The following ADD1 variants were observed in gnomAD, a reference collection of about 807,000 sequenced individuals.
ADD1 encodes alpha-adducin.
In ADD1, 24 loss-of-function variants were observed where a neutral mutation model predicts 80.5. The observed-to-expected ratio is 0.30, with a 90% CI of 0.22 to 0.42. The LOEUF is 0.42. Among genes scored for constraint, ADD1 ranks in the 10% least tolerant of loss-of-function variants. The pLI is 1.00. For synonymous variants in ADD1, 373 were observed against 393.8 expected (o/e 0.95, Z 0.63); for missense variants, 948 against 1,019.0 (o/e 0.93, Z 0.95).
chr4:2,904,915 A>C lies in ADD1; in HGVS notation c.1313A>C (p.Gln438Pro), dbSNP rs537655601. 3.1e-6 allele frequency: 5 copies of C among 1,614,102 alleles called. No homozygotes were observed. The Admixed American group carries it at 8.3e-5, about 27-fold the overall frequency. Reference sequence around the variant, plus strand: ...TGCTCCCCACTCAGACACAGTTTTCAGAAGCAGCAGCGGGAGAAGACAAGA... The same window carrying C: ...TGCTCCCCACTCAGACACAGTTTTCCGAAGCAGCAGCGGGAGAAGACAAGA... ...GTCSPLRHSFQKQQREKTRWL... is the reference protein window; with the variant it reads ...GTCSPLRHSFPKQQREKTRWL... Residue 438 changes from glutamine to proline, a missense_variant, in exon 10 of 16, where the codon CAG (glutamine) becomes CCG (proline). Physicochemically the swap from Gln to Pro is moderately conservative, Grantham distance 76. Coordinates refer to ENST00000683351, the MANE Select transcript of ADD1 (RefSeq NM_001354761.2).
chr4:2,878,848 CT>C (rs1335841261), intron 2 of ADD1, among the ~76,000 whole-genome samples: 2 of 152,204 alleles, frequency 1.3e-5, no homozygotes, highest in Non-Finnish European at 2.9e-5. Flanking sequence ...TACAATGGAT[CT>C]AAGCCAGTGA....
intron 14 of ADD1, among the ~76,000 whole-genome samples, chr4:2,924,714 C>G (rs1256555604): frequency 6.6e-6 from 1 of 152,196 alleles, no homozygotes; most frequent in Non-Finnish European, 1.5e-5. Context: ...CCGCTATTTA[C>G]TATTCAGGCC....
chr4:2,925,905 G>T lies in ADD1; in HGVS notation c.1949-109G>T. The T allele has an allele frequency of 4.9e-6, 4 of 819,354 alleles. 1 individual carries two copies. The South Asian group carries it at 5.0e-5, about 10-fold the overall frequency. 50.8% of individuals were successfully genotyped at this position (819,354 alleles called of 1,614,324 possible). On this transcript the variant is annotated intron_variant, in intron 14 of 15. Coordinates refer to ENST00000683351, the MANE Select transcript of ADD1 (RefSeq NM_001354761.2). ...TCAGGGAAAGGGTTGAGAGAGCCCT[G>T]CCTTCTCAGAGGGCGGCCGAGCGGG...
rs1205758138 is a variant in ADD1, at chr4:2,926,598, T to A, written c.2047+486T>A. ...GATGGCTGTGACTGAATGCATAGAT[T>A]CTCTCCTTGTGCTTTTTTCTCCCTG... On this transcript the variant is annotated intron_variant, in intron 15 of 15. Coordinates refer to ENST00000683351, the MANE Select transcript of ADD1 (RefSeq NM_001354761.2). The surrounding 1 kb of genome is among the most constrained non-coding windows in gnomAD (Gnocchi z 5.0). 1 of 1,610,076 alleles carries A rather than the reference T, an allele frequency of 6.2e-7. No homozygotes were observed. Among genetic ancestry groups the A allele is most frequent in the South Asian group, 1.1e-5 (1 of 90,466 alleles).
intron 14 of ADD1, among the ~76,000 whole-genome samples, chr4:2,925,423 T>A (rs908903152): frequency 3.3e-5 from 5 of 152,230 alleles, no homozygotes; most frequent in African/African-American, 1.2e-4. Context: ...TGGTCCATAT[T>A]TTCCCCGAAA....
chr4:2,916,438 C>T (rs1739087539), intron 14 of ADD1, among the ~76,000 whole-genome samples: 1 of 152,102 alleles, frequency 6.6e-6, no homozygotes. Flanking sequence ...TCGTGATCCG[C>T]CCGCCTTGGC....
At position 2,904,776 on chromosome 4, in the gene ADD1, G is replaced by GGCTAC; in HGVS notation, c.1175_1179dup (p.Pro394AlafsTer9). 1 of 1,613,894 alleles carries GGCTAC rather than the reference G, an allele frequency of 6.2e-7. No homozygotes were observed. Among genetic ancestry groups the GGCTAC allele is most frequent in the Non-Finnish European group, 8.5e-7 (1 of 1,179,788 alleles). ...CCTTGGACCCTAGGGCTACAGAACT[G>GGCTAC]GCTACCCTTATCGATACCCTGCTCT... is the stretch of plus-strand genomic sequence containing the variant. On this transcript the variant is annotated frameshift_variant, in exon 10 of 16. Coordinates refer to ENST00000683351, the MANE Select transcript of ADD1 (RefSeq NM_001354761.2). LOFTEE classifies it high-confidence loss of function.
chr4:2,852,964 C>T (rs1044411859), intron 1 of ADD1, among the ~76,000 whole-genome samples: 1 of 152,134 alleles, frequency 6.6e-6, no homozygotes, highest in Non-Finnish European at 1.5e-5. Context: ...ACATTTGTAG[C>T]TGTGGAAATA....
At chr4:2,909,137 C>T in intron 12 of ADD1, 1 of 589,000 alleles carries the variant, frequency 1.7e-6, no homozygotes, top group Non-Finnish European at 3.0e-6. Context: ...CCTGACTCTG[C>T]AGGGGTAGAC....
At chr4:2,871,493 C>T (rs1266161471) in intron 1 of ADD1, among the ~76,000 whole-genome samples, 5 of 152,162 alleles carry the variant, frequency 3.3e-5, no homozygotes, top group African/African-American at 1.2e-4. Flanking sequence ...AGCTGTTCAT[C>T]CTGATCTTAG....
Position 2,926,382 on chromosome 4 carries a change from C to A in ADD1, c.2047+270C>A. 1.4e-6 allele frequency: 1 copy of A among 702,146 alleles called. No homozygotes were observed. 43.5% of individuals were successfully genotyped at this position (702,146 alleles called of 1,614,324 possible). A position where few individuals can be genotyped will look rare whatever the true frequency, so the allele number is the denominator to read the frequency against. ...GCTGGTGTCCACGTTGCCCATTGCT[C>A]GCACACTCCTCGTGCCGTGTTGTCA... On this transcript the variant is annotated intron_variant, in intron 15 of 15. Coordinates refer to ENST00000683351, the MANE Select transcript of ADD1 (RefSeq NM_001354761.2). This position sits in a 1 kb window ranked among gnomAD's most constrained non-coding sequence, Gnocchi z 5.0.
Position 2,904,768 on chromosome 4 carries a change from A to G in ADD1, c.1166A>G (p.Tyr389Cys), listed in dbSNP as rs1464494094. The G allele has an allele frequency of 1.2e-6, 2 of 1,612,564 alleles. No individual in the cohort carries two copies. The highest frequency in any genetic ancestry group is 1.7e-6 in the Non-Finnish European group (2 of 1,178,678). ...TTCACTCTCCTTGGACCCTAGGGCT[A>G]CAGAACTGGCTACCCTTATCGATAC... is the stretch of plus-strand genomic sequence containing the variant. ...ALMRMLDNLG[Y>C]RTGYPYRYPA... is the part of the protein sequence containing the mutation. Residue 389 changes from tyrosine (Y) to cysteine (C), a missense_variant, in exon 10 of 16, where the codon TAC (tyrosine) becomes TGC (cysteine). Physicochemically the swap from Tyr to Cys is radical, Grantham distance 194. Transcript: ENST00000683351.
Position 2,904,909 on chromosome 4 carries a change from G to A in ADD1, c.1307G>A (p.Ser436Asn), listed in dbSNP as rs140440262. 6.2e-7 allele frequency: 1 copy of A among 1,614,116 alleles called. No individual in the cohort carries two copies. The highest frequency in any genetic ancestry group is 2.2e-5 in the East Asian group (1 of 44,896). The stretch of plus-strand genomic sequence containing the variant: ...GGCACTTGCTCCCCACTCAGACACA[G>A]TTTTCAGAAGCAGCAGCGGGAGAAG... The part of the protein sequence containing the change: ...DSGTCSPLRH[S>N]FQKQQREKTR... Residue 436 changes from serine to asparagine, a missense_variant, in exon 10 of 16, where the codon AGT becomes AAT. Physicochemically the swap from Ser to Asn is conservative, Grantham distance 46 (BLOSUM62 1). Coordinates refer to ENST00000683351, the MANE Select transcript of ADD1 (RefSeq NM_001354761.2).
intron 13 of ADD1, among the ~76,000 whole-genome samples, chr4:2,912,869 G>A (rs558956869): frequency 1.3e-5 from 2 of 152,086 alleles, no homozygotes; most frequent in Non-Finnish European, 2.9e-5. Flanking sequence ...GTTTGAGACG[G>A]AGTCTTGCTC....
chr4:2,880,807 A>C (rs1333120912), intron 2 of ADD1, among the ~76,000 whole-genome samples: 1 of 151,882 alleles, frequency 6.6e-6, no homozygotes, highest in Non-Finnish European at 1.5e-5. Context: ...ATGTGAAAAA[A>C]TTATTTTAGT....
rs534502458 is a variant in ADD1, at chr4:2,916,968, G to C, written c.1948+1928G>C. 9.2e-5 allele frequency among the ~76,000 whole-genome samples: 14 copies of C among 152,110 alleles called. No individual in the cohort carries two copies. In the East Asian group the frequency reaches 2.7e-3, roughly 29 times the overall value. ...CATTTGAGTTGTTTCCAACTCTTTC[G>C]TATTGTGCATAGTGGTGCAGTACAC... On this transcript the variant is annotated intron_variant, in intron 14 of 15. Transcript: ENST00000683351.
In ADD1 at chr4:2,897,485, C is replaced by T. The variant is rs545485977; in HGVS notation, c.742-699C>T. The stretch of plus-strand genomic sequence containing the variant: ...TAATTTTTAGGTGTTTCAATGTTAT[C>T]TACAACCTAAGATAAAAAGTACAGA... On this transcript the variant is annotated intron_variant, in intron 6 of 15. Coordinates refer to ENST00000683351, the MANE Select transcript of ADD1 (RefSeq NM_001354761.2). 8.8e-5 allele frequency among the ~76,000 whole-genome samples: 13 copies of T among 146,936 alleles called. No homozygotes were observed. The East Asian group carries it at 2.6e-3, about 29-fold the overall frequency.
intron 1 of ADD1, among the ~76,000 whole-genome samples, chr4:2,867,377 A>C (rs1015066799): frequency 1.3e-5 from 2 of 152,090 alleles, no homozygotes; most frequent in Non-Finnish European, 2.9e-5. Flanking sequence ...AGTGGAACCA[A>C]CCTCTGATTT....
intron 9 of ADD1, chr4:2,902,432 G>A (rs1221903799): frequency 6.6e-6 from 1 of 152,226 alleles, no homozygotes; most frequent in East Asian, 1.9e-4. Flanking sequence ...ATTCATGATT[G>A]TTATTACCTT....
Sources: gnomAD v4.1 joint callset for allele counts (sites outside exome capture counted in the v4.1 genomes callset) on GRCh38, gnomAD v4.1.1 for gene constraint, Gnocchi (gnomAD v3.1) non-coding constraint, MANE v1.5 for transcripts, NCBI Gene and HGNC (gene_info 2026-07-23, HGNC 2026-07-21) for gene names.